The following CFAP52 variants were observed in gnomAD, a reference collection of about 807,000 sequenced individuals.
CFAP52 encodes the protein cilia- and flagella-associated protein 52.
CFAP52 carries 57 observed loss-of-function variants against 70.5 expected under a neutral mutation model. The ratio of observed to expected loss-of-function variants is 0.81; its 90% CI spans 0.65 to 1.01. CFAP52 has a LOEUF of 1.01. Ranked by LOEUF, CFAP52 falls within the 50% of genes least tolerant of loss-of-function variation. CFAP52 has a pLI of 0.00. For missense variants in CFAP52, 785 were observed against 788.5 expected (o/e 1.00, Z 0.05); for synonymous variants, 267 against 292.5 (o/e 0.91, Z 0.89).
intron 12 of CFAP52, among the ~76,000 whole-genome samples, chr17:9,641,329 G>C (rs1306865777): frequency 6.6e-6 from 1 of 152,166 alleles, no homozygotes; most frequent in African/African-American, 2.4e-5. Context: ...TAGAACTCTG[G>C]GGAGTGGGGA....
intron 10 of CFAP52, among the ~76,000 whole-genome samples, chr17:9,633,972 C>T (rs552458559): frequency 2.5e-4 from 38 of 152,212 alleles, no homozygotes; most frequent in Non-Finnish European, 3.1e-4. Flanking sequence ...TGAGCCACCG[C>T]GCCTGGCCCA....
At chr17:9,630,911 G>C (rs1049279643) in intron 9 of CFAP52, among the ~76,000 whole-genome samples, 1 of 149,128 alleles carries the variant, frequency 6.7e-6, no homozygotes, top group African/African-American at 2.5e-5. Flanking sequence ...TCTTGAACCC[G>C]GGAGGTGGAG....
chr17:9,600,016 C>G, intron 5 of CFAP52, 51 bp from the exon 6 acceptor site: 1 of 1,524,504 alleles, frequency 6.6e-7, no homozygotes, highest in Non-Finnish European at 9.1e-7. Context: ...GCTGATATTA[C>G]AGGCGTGAGC....
At chr17:9,631,325 G>T (rs1910533125) in intron 9 of CFAP52, among the ~76,000 whole-genome samples, 1 of 151,952 alleles carries the variant, frequency 6.6e-6, no homozygotes, top group African/African-American at 2.4e-5. Flanking sequence ...CCTTTGCTCT[G>T]ACTCTTATGT....
rs895250829 is a variant in CFAP52, at chr17:9,598,492, T to C, written c.636+159T>C. 5.4e-6 allele frequency: 3 copies of C among 554,574 alleles called. No homozygotes were observed. The African/African-American group carries it at 5.7e-5, about 11-fold the overall frequency. The allele number at this position is 554,574 out of a possible 1,614,324, so 34.4% of individuals were successfully genotyped here. A position where few individuals can be genotyped will look rare whatever the true frequency, so the allele number is the denominator to read the frequency against. On this transcript the variant is annotated intron_variant, in intron 5 of 13. Transcript: ENST00000352665. ...AGAAGCTCACTTTGGCCAGGTGCAG[T>C]GGCTCACGCCTGTAATCCCAGCATT... is the stretch of plus-strand genomic sequence containing the variant.
downstream of CFAP52, chr17:9,645,551 T>C: frequency 8.8e-7 from 1 of 1,138,254 alleles, no homozygotes; most frequent in Non-Finnish European, 1.1e-6. The surrounding 1 kb of genome is among the most constrained non-coding windows in gnomAD (Gnocchi z 6.8). Flanking sequence ...ACCAGGAGCC[T>C]TAGAGAAGCT....
chr17:9,642,270 C>T (rs1735297059), intron 13 of CFAP52, among the ~76,000 whole-genome samples: 2 of 152,224 alleles, frequency 1.3e-5, no homozygotes, highest in Admixed American at 1.3e-4. Flanking sequence ...TACCACACAA[C>T]ATGCCGATTG....
At chr17:9,609,718 T>A (rs571449705) in intron 7 of CFAP52, among the ~76,000 whole-genome samples, 105 of 152,084 alleles carry the variant, frequency 6.9e-4, no homozygotes, top group Non-Finnish European at 9.7e-4. Context: ...ATTTTTTTTT[T>A]AAATAAAAAA....
At chr17:9,587,389 A>G (rs1386990455) in intron 3 of CFAP52, among the ~76,000 whole-genome samples, 2 of 152,162 alleles carry the variant, frequency 1.3e-5, no homozygotes, top group Non-Finnish European at 2.9e-5. Context: ...GTAGCCAGTA[A>G]TGGGATTGCT....
At chr17:9,606,816 T>C (rs1353481994) in intron 6 of CFAP52, among the ~76,000 whole-genome samples, 4 of 152,190 alleles carry the variant, frequency 2.6e-5, no homozygotes, top group Non-Finnish European at 5.9e-5. Flanking sequence ...GTTGTCCTGC[T>C]GAGGCACTTA....
chr17:9,638,824 C>G, intron 12 of CFAP52, 113 bp downstream of exon 12: 1 of 990,068 alleles, frequency 1.0e-6, no homozygotes, highest in Non-Finnish European at 1.5e-6. Flanking sequence ...CAATGGTGGT[C>G]TGTCATCAAT....
At chr17:9,628,282 C>A (rs934299798) in intron 8 of CFAP52, among the ~76,000 whole-genome samples, 3 of 139,318 alleles carry the variant, frequency 2.2e-5, no homozygotes, top group African/African-American at 7.8e-5. Flanking sequence ...TCCCTATATT[C>A]TTTTTTTTTT....
At chr17:9,625,117 G>A (rs527649320) in intron 8 of CFAP52, among the ~76,000 whole-genome samples, 1 of 151,778 alleles carries the variant, frequency 6.6e-6, no homozygotes, top group Non-Finnish European at 1.5e-5. Flanking sequence ...AAAAAGGCAA[G>A]CAAACAAAAA....
intron 8 of CFAP52, among the ~76,000 whole-genome samples, chr17:9,614,749 C>T (rs570910207): frequency 6.6e-6 from 1 of 152,330 alleles, no homozygotes. Flanking sequence ...GGATGTTTGG[C>T]AGCATTCCTG....
chr17:9,597,803 A>AAGAGAGAGAGAGAGAGAGAGAGAG (rs10548437), intron 4 of CFAP52, among the ~76,000 whole-genome samples: 4 of 139,014 alleles, frequency 2.9e-5, no homozygotes, highest in African/African-American at 8.2e-5. Flanking sequence ...CTCTGTCAGA[A>AAGAGAGAGAGAGAGAGAGAGAGAG]AGAGAGAGAG....
Position 9,628,737 on chromosome 17 carries a change from A to T in CFAP52, c.1091A>T (p.Asn364Ile). The change falls in exon 9 of 14, where the codon AAC (asparagine) becomes ATC (isoleucine). Residue 364 changes from asparagine to isoleucine, a missense_variant. By Grantham distance (149) the Asn-to-Ile change is moderately radical (BLOSUM62 -3). Coordinates refer to ENST00000352665, the MANE Select transcript of CFAP52 (RefSeq NM_145054.5). ...KDIRVWHTSS[N>I]RELLRITVPN... is the part of the protein sequence containing the mutation. ...ATCAGGGTGTGGCACACATCATCCA[A>T]CAGGGAGCTGCTGCGGATCACCGTG... 6.2e-7 allele frequency: 1 copy of T among 1,614,150 alleles called. No homozygotes were observed. The highest frequency in any genetic ancestry group is 1.1e-5 in the South Asian group (1 of 91,084).
At chr17:9,615,819 T>TTTA (rs145370335) in intron 8 of CFAP52, among the ~76,000 whole-genome samples, 1 of 84,428 alleles carries the variant, frequency 1.2e-5, no homozygotes, top group Non-Finnish European at 2.7e-5. Flanking sequence ...TTTTTTTTTT[T>TTTA]CCCAGAAACA....
At chr17:9,608,375 G>T (rs1909586726) in intron 7 of CFAP52, among the ~76,000 whole-genome samples, 156 bp downstream of exon 7, 1 of 152,208 alleles carries the variant, frequency 6.6e-6, no homozygotes, top group Admixed American at 6.5e-5. Context: ...ATAGATGGTG[G>T]CTTCTTTGTC....
chr17:9,587,166 A>C (rs1189655205), intron 3 of CFAP52, among the ~76,000 whole-genome samples: 1 of 152,176 alleles, frequency 6.6e-6, no homozygotes, highest in Non-Finnish European at 1.5e-5. Context: ...AATGGCCTCC[A>C]GCTCCATCCA....
Sources: allele counts gnomAD v4.1 joint callset (sites outside exome capture counted in the v4.1 genomes callset), GRCh38; gene constraint gnomAD v4.1.1; non-coding constraint Gnocchi (gnomAD v3.1); transcripts MANE v1.5; gene names NCBI Gene and HGNC (gene_info 2026-07-23, HGNC 2026-07-21).